The following WDPCP variants were observed in gnomAD, a reference collection of about 807,000 sequenced individuals.
WDPCP encodes WD repeat-containing and planar cell polarity effector protein fritz homolog.
Under a neutral mutation model 93.1 loss-of-function variants are expected in WDPCP, and 71 were observed. That is an observed-to-expected ratio of 0.76 (90% CI 0.63 to 0.93). WDPCP has a LOEUF of 0.93. WDPCP is among the 40% of genes least tolerant of loss of function. The probability of loss-of-function intolerance (pLI) is 0.00; values close to 1 mark genes in which losing one functional copy is unlikely to be tolerated. For missense variants in WDPCP, 844 were observed against 887.4 expected, an observed-to-expected ratio of 0.95 and a Z score of 0.62; for synonymous variants, 315 against 315.0, an observed-to-expected ratio of 1.00 and a Z score of 0.00.
chr2:63,788,858 T>C (rs114898469), intron 2 of WDPCP, among the ~76,000 whole-genome samples: 1,970 of 152,260 alleles, frequency 0.013, 20 homozygotes, highest in Non-Finnish European at 0.015. Flanking sequence ...CCTGGCATTG[T>C]CAGACTTCAG....
At chr2:63,604,701 T>A in intron 3 of WDPCP, 1 of 1,613,148 alleles carries the variant, frequency 6.2e-7, no homozygotes, top group South Asian at 1.1e-5. Flanking sequence ...ACTAGATTGC[T>A]CTTAAACTTG....
At chr2:63,191,871 AAAGT>A (rs1449254934) in intron 14 of WDPCP, among the ~76,000 whole-genome samples, 1 of 152,188 alleles carries the variant, frequency 6.6e-6, no homozygotes, top group Admixed American at 6.5e-5. Context: ...GTGTCCAAAT[AAAGT>A]TTTATTGGAG....
chr2:63,599,850 G>C (rs57413391), intron 3 of WDPCP: 5,818 of 152,184 alleles, frequency 0.038, 140 homozygotes, highest in African/African-American at 0.064. Flanking sequence ...TACTCTTAGA[G>C]CCATAGATAA....
intron 13 of WDPCP, among the ~76,000 whole-genome samples, chr2:63,296,239 C>T (rs1353050449): frequency 6.6e-6 from 1 of 151,156 alleles, no homozygotes; most frequent in African/African-American, 2.4e-5. Flanking sequence ...TGATAAAATC[C>T]AGCATCCCTT....
intron 13 of WDPCP, among the ~76,000 whole-genome samples, chr2:63,301,499 T>C (rs1685330298): frequency 6.6e-6 from 1 of 152,158 alleles, no homozygotes; most frequent in Non-Finnish European, 1.5e-5. Context: ...TCTTCAACTA[T>C]TATGTAGTTT....
chr2:63,694,805 C>T (rs1668940790), intron 2 of WDPCP, among the ~76,000 whole-genome samples: 1 of 152,070 alleles, frequency 6.6e-6, no homozygotes, highest in Non-Finnish European at 1.5e-5. Flanking sequence ...GAAAATGTGG[C>T]CTTTTTGAGA....
chr2:63,477,612 ACC>A (rs975692740), intron 6 of WDPCP, among the ~76,000 whole-genome samples: 10 of 152,092 alleles, frequency 6.6e-5, no homozygotes, highest in Non-Finnish European at 8.8e-5. Context: ...TCCAAGAACT[ACC>A]ACAGGAACTT....
chr2:63,796,809 C>T (rs1670624332), intron 2 of WDPCP, among the ~76,000 whole-genome samples: 1 of 152,200 alleles, frequency 6.6e-6, no homozygotes. Context: ...TCGTGTTGTG[C>T]TGGGCTTGGA....
At chr2:63,575,388 C>CT (rs1558831564) in intron 1 of WDPCP, among the ~76,000 whole-genome samples, 68 of 110,346 alleles carry the variant, frequency 6.2e-4, no homozygotes, top group Non-Finnish European at 7.9e-4. Context: ...AGTATATACA[C>CT]GGTATATACA....
In WDPCP at chr2:63,201,373, T is replaced by C. The variant is rs1364605492; in HGVS notation, c.1916-26541A>G. On this transcript the variant is annotated intron_variant, in intron 14 of 17. Coordinates refer to ENST00000272321, the MANE Select transcript of WDPCP (RefSeq NM_015910.7). Reference sequence around the variant, plus strand: ...TTTTAGCAATGTGAGAATGGACAAATACAAAAATCATACTTGCAAACTGGA... The same window carrying C: ...TTTTAGCAATGTGAGAATGGACAAACACAAAAATCATACTTGCAAACTGGA... Among the ~76,000 whole-genome samples, 4 of 152,128 alleles carry C rather than the reference T, an allele frequency of 2.6e-5. No individual in the cohort carries two copies. In the East Asian group the frequency reaches 7.7e-4, roughly 29 times the overall value.
intron 9 of WDPCP, among the ~76,000 whole-genome samples, chr2:63,409,955 A>C (rs1166733944): frequency 6.6e-6 from 1 of 152,218 alleles, no homozygotes; most frequent in African/African-American, 2.4e-5. Context: ...TTTGGAAAAC[A>C]AAATTGGGAG....
intron 2 of WDPCP, among the ~76,000 whole-genome samples, chr2:63,673,682 C>T (rs971359380): frequency 5.9e-5 from 9 of 152,206 alleles, no homozygotes; most frequent in Non-Finnish European, 1.2e-4. Context: ...TACTCATTTA[C>T]AGCATTTGCT....
chr2:63,533,620 T>C (rs1455204838), intron 1 of WDPCP, among the ~76,000 whole-genome samples: 1 of 151,956 alleles, frequency 6.6e-6, no homozygotes, highest in African/African-American at 2.4e-5. Flanking sequence ...ACTGGGTACA[T>C]AACGAAATGA....
At chr2:63,161,767 CTTT>C (rs1177379979) in intron 15 of WDPCP, among the ~76,000 whole-genome samples, 1 of 140,470 alleles carries the variant, frequency 7.1e-6, no homozygotes, top group Non-Finnish European at 1.6e-5. Flanking sequence ...TCATTTTTTT[CTTT>C]TTTTTTTTTT....
intron 2 of WDPCP, among the ~76,000 whole-genome samples, chr2:63,492,102 C>G (rs1385866056): frequency 6.6e-6 from 1 of 152,014 alleles, no homozygotes; most frequent in Non-Finnish European, 1.5e-5. Flanking sequence ...CAAAGTCATC[C>G]TTAATTCTAT....
chr2:63,513,128 A>C (rs1702340862), intron 1 of WDPCP, among the ~76,000 whole-genome samples: 1 of 152,168 alleles, frequency 6.6e-6, no homozygotes, highest in Non-Finnish European at 1.5e-5. Flanking sequence ...TTACTTAAAG[A>C]AGACTTACAC....
chr2:63,448,650 G>A (rs1340624970), intron 6 of WDPCP, among the ~76,000 whole-genome samples: 1 of 152,012 alleles, frequency 6.6e-6, no homozygotes, highest in Non-Finnish European at 1.5e-5. Context: ...AAGTAAATGT[G>A]GTATATATCC....
chr2:63,475,153 C>G (rs1208769968), intron 6 of WDPCP, among the ~76,000 whole-genome samples: 1 of 152,102 alleles, frequency 6.6e-6, no homozygotes, highest in African/African-American at 2.4e-5. Flanking sequence ...ACTAGCCCAA[C>G]CCTGCAACAA....
chr2:63,798,228 T>C (rs185833825), intron 2 of WDPCP, among the ~76,000 whole-genome samples: 1 of 152,270 alleles, frequency 6.6e-6, no homozygotes, highest in East Asian at 1.9e-4. Flanking sequence ...AAAAATCATC[T>C]GAAGATACAA....
Sources: gnomAD v4.1 joint callset for allele counts (sites outside exome capture counted in the v4.1 genomes callset) on GRCh38, gnomAD v4.1.1 for gene constraint, MANE v1.5 for transcripts, NCBI Gene and HGNC (gene_info 2026-07-23, HGNC 2026-07-21) for gene names.